The following EYS variants were observed in gnomAD, a reference collection of about 807,000 sequenced individuals.
EYS encodes the protein EGF-like photoreceptor maintenance factor.
A neutral mutation model predicts 282.1 loss-of-function variants in EYS; 250 were observed. The observed-to-expected ratio is 0.89, with a 90% CI of 0.80 to 0.98. The LOEUF (loss-of-function observed/expected upper bound fraction) is 0.98. Among genes scored for constraint, EYS ranks in the 50% least tolerant of loss-of-function variants. EYS has a pLI of 0.00. For synonymous variants in EYS, 1,355 were observed against 1,282.9 expected (o/e 1.06, Z -1.20); for missense variants, 4,016 against 3,709.0 (o/e 1.08, Z -2.15).
intron 5 of EYS, among the ~76,000 whole-genome samples, chr6:65,407,400 C>A (rs1359112466): frequency 6.6e-6 from 1 of 152,016 alleles, no homozygotes; most frequent in Non-Finnish European, 1.5e-5. Context: ...GGACTACAGG[C>A]ATGCATCACC....
chr6:65,428,275 T>C (rs1767740023), intron 5 of EYS, among the ~76,000 whole-genome samples: 1 of 152,138 alleles, frequency 6.6e-6, no homozygotes, highest in Admixed American at 6.6e-5. Context: ...TCTAGATTTA[T>C]ATGACAGTAT....
chr6:64,484,705 G>C (rs1355142218), intron 26 of EYS, among the ~76,000 whole-genome samples: 1 of 151,612 alleles, frequency 6.6e-6, no homozygotes, highest in African/African-American at 2.4e-5. Flanking sequence ...CTTAGACCAA[G>C]GCAGTGTTAT....
At chr6:64,393,037 T>G (rs1773213068) in intron 28 of EYS, among the ~76,000 whole-genome samples, 1 of 152,046 alleles carries the variant, frequency 6.6e-6, no homozygotes, top group Non-Finnish European at 1.5e-5. Flanking sequence ...CTAGAAGAAA[T>G]GGATAAATTC....
At chr6:64,672,185 C>G (rs7738056) in intron 22 of EYS, among the ~76,000 whole-genome samples, 1 of 152,100 alleles carries the variant, frequency 6.6e-6, no homozygotes, top group Admixed American at 6.5e-5. Flanking sequence ...AACTGATGCC[C>G]TAGTCTCTGA....
chr6:65,414,894 C>T (rs1767171352), intron 5 of EYS, among the ~76,000 whole-genome samples: 1 of 151,878 alleles, frequency 6.6e-6, no homozygotes, highest in South Asian at 2.1e-4. Flanking sequence ...GTTACTATAG[C>T]AGAGTTGTGC....
chr6:65,369,646 A>C (rs1258763694), intron 8 of EYS, among the ~76,000 whole-genome samples: 4 of 151,434 alleles, frequency 2.6e-5, no homozygotes, highest in Admixed American at 6.8e-5. Context: ...AGAATTTTTC[A>C]ACCACAACGA....
chr6:64,879,706 A>T (rs1766856774), intron 19 of EYS, among the ~76,000 whole-genome samples: 1 of 152,094 alleles, frequency 6.6e-6, no homozygotes, highest in African/African-American at 2.4e-5. Context: ...ATATTGATAT[A>T]TTTACAATAT....
intron 12 of EYS, among the ~76,000 whole-genome samples, chr6:65,180,081 A>G (rs1264167285): frequency 6.6e-6 from 1 of 151,326 alleles, no homozygotes; most frequent in Non-Finnish European, 1.5e-5. Flanking sequence ...TATCTACGAC[A>G]AACCCACAGC....
chr6:65,021,793 G>A (rs1251043824), intron 13 of EYS, among the ~76,000 whole-genome samples: 1 of 152,140 alleles, frequency 6.6e-6, no homozygotes, highest in Non-Finnish European at 1.5e-5. Flanking sequence ...GCATGGCTGT[G>A]GGAGCCTCAG....
At chr6:63,924,279 A>G (rs1001531470) in intron 35 of EYS, among the ~76,000 whole-genome samples, 1 of 152,196 alleles carries the variant, frequency 6.6e-6, no homozygotes, top group Admixed American at 6.5e-5. Context: ...CTTATAGTGA[A>G]TCAAAACTCA....
intron 19 of EYS, among the ~76,000 whole-genome samples, chr6:64,867,773 T>C (rs1280581458): frequency 6.6e-6 from 1 of 151,708 alleles, no homozygotes; most frequent in Non-Finnish European, 1.5e-5. Context: ...AAGTCTATGT[T>C]AGAAAGCCAT....
chr6:63,957,903 A>T (rs1245363511), intron 35 of EYS, among the ~76,000 whole-genome samples: 1 of 140,878 alleles, frequency 7.1e-6, no homozygotes, highest in Non-Finnish European at 1.6e-5. Flanking sequence ...TTTTCTGTAA[A>T]ATCTGATTAT....
At chr6:64,330,415 G>A (rs952118842) in intron 29 of EYS, among the ~76,000 whole-genome samples, 1 of 152,096 alleles carries the variant, frequency 6.6e-6, no homozygotes, top group Non-Finnish European at 1.5e-5. Flanking sequence ...ACCAAAGGGA[G>A]GGGGGAAAGA....
At chr6:65,513,525 G>C (rs371871315) in intron 2 of EYS, among the ~76,000 whole-genome samples, 5,985 of 151,954 alleles carry the variant, frequency 0.039, 260 homozygotes, top group African/African-American at 0.11. Flanking sequence ...GATGAACATT[G>C]ATGCAAAAAT....
intron 36 of EYS, among the ~76,000 whole-genome samples, chr6:63,863,490 C>T (rs1772586078): frequency 6.6e-6 from 1 of 151,862 alleles, no homozygotes; most frequent in Admixed American, 6.6e-5. Context: ...TAATATTGTA[C>T]TCTCGGTTTG....
intron 23 of EYS, among the ~76,000 whole-genome samples, chr6:64,620,238 CTT>C (rs1177980677): frequency 6.6e-6 from 1 of 152,076 alleles, no homozygotes; most frequent in Non-Finnish European, 1.5e-5. Context: ...TAAAAGCACT[CTT>C]AGGATTTTTG....
chr6:63,917,342 C>T (rs917535507), intron 35 of EYS, among the ~76,000 whole-genome samples: 1 of 152,222 alleles, frequency 6.6e-6, no homozygotes, highest in Non-Finnish European at 1.5e-5. Context: ...TCTGCTCTCA[C>T]TGTAGTTAAG....
intron 27 of EYS, 130 bp downstream of exon 27, chr6:64,439,032 G>A: frequency 4.7e-6 from 2 of 429,106 alleles, no homozygotes. Flanking sequence ...AAAAGTAGAG[G>A]AAGAGACATC....
chr6:65,537,251 A>G (rs1767994315), intron 2 of EYS, among the ~76,000 whole-genome samples: 1 of 152,140 alleles, frequency 6.6e-6, no homozygotes, highest in African/African-American at 2.4e-5. Flanking sequence ...AATGTAGATG[A>G]TGGGTTGATG....
Sources: gnomAD v4.1 joint callset for allele counts (sites outside exome capture counted in the v4.1 genomes callset) on GRCh38, gnomAD v4.1.1 for gene constraint, MANE v1.5 for transcripts, NCBI Gene and HGNC (gene_info 2026-07-23, HGNC 2026-07-21) for gene names.